PPP1R12A: variants seen among roughly 807,000 people sequenced by gnomAD.
PPP1R12A encodes protein phosphatase 1 regulatory subunit 12A, also known as myosin binding subunit.
PPP1R12A carries 19 observed loss-of-function variants against 139.6 expected under a neutral mutation model. The ratio of observed to expected loss-of-function variants is 0.14; its 90% confidence interval spans 0.09 to 0.20. The LOEUF (loss-of-function observed/expected upper bound fraction) is 0.20, where lower values mean the gene tolerates loss of function less well. Among genes scored for constraint, PPP1R12A ranks in the 10% least tolerant of loss-of-function variants. The probability of loss-of-function intolerance (pLI) is 1.00; values close to 1 mark genes in which losing one functional copy is unlikely to be tolerated. For missense variants in PPP1R12A, 925 were observed against 1,211.5 expected, an observed-to-expected ratio of 0.76 and a Z score of 3.51; for synonymous variants, 427 against 420.6, an observed-to-expected ratio of 1.02 and a Z score of -0.19.
intron 2 of PPP1R12A, among the ~76,000 whole-genome samples, chr12:79,871,978 A>G (rs550068582): frequency 3.2e-4 from 48 of 152,164 alleles, no homozygotes; most frequent in Middle Eastern, 3.2e-3. Flanking sequence ...TTCAGACCTT[A>G]TCGTTCCCAG....
At chr12:79,813,264 GT>G (rs1464661097) in intron 9 of PPP1R12A, among the ~76,000 whole-genome samples, 1 of 152,018 alleles carries the variant, frequency 6.6e-6, no homozygotes, top group Non-Finnish European at 1.5e-5. Context: ...TGCTCATATT[GT>G]TTTTCTTCTC....
chr12:79,832,241 C>T (rs1354478698), intron 4 of PPP1R12A, 91 bp downstream of exon 4: 3 of 1,263,722 alleles, frequency 2.4e-6, no homozygotes, highest in South Asian at 1.9e-5. Context: ...TATGTTGCTT[C>T]AAAATAACGT....
At chr12:79,877,744 G>C (rs1188022153) in intron 1 of PPP1R12A, among the ~76,000 whole-genome samples, 1 of 152,084 alleles carries the variant, frequency 6.6e-6, no homozygotes, top group African/African-American at 2.4e-5. Flanking sequence ...TCAAACTCCT[G>C]ACCTCAAGTG....
intron 1 of PPP1R12A, among the ~76,000 whole-genome samples, chr12:79,931,003 TTGA>T (rs1310730951): frequency 2.0e-5 from 3 of 152,248 alleles, no homozygotes; most frequent in Middle Eastern, 3.4e-3. Flanking sequence ...AAGAGTAGAC[TTGA>T]TGAAGAAAGA....
chr12:79,912,954 C>T (rs1330682028), intron 1 of PPP1R12A, among the ~76,000 whole-genome samples: 1 of 152,216 alleles, frequency 6.6e-6, no homozygotes, highest in Non-Finnish European at 1.5e-5. Context: ...AGAAATCTCA[C>T]ATACTTCTTA....
intron 12 of PPP1R12A, 141 bp from the exon 13 acceptor site, chr12:79,806,474 G>C (rs1452632720): frequency 7.1e-6 from 5 of 700,694 alleles, no homozygotes; most frequent in Non-Finnish European, 2.3e-6. Context: ...CCAGCACCAA[G>C]AGTTGCATCT....
intron 9 of PPP1R12A, among the ~76,000 whole-genome samples, chr12:79,816,457 T>TA (rs997546678): frequency 1.7e-4 from 26 of 151,148 alleles, no homozygotes; most frequent in Non-Finnish European, 2.7e-4. Context: ...TAAAAAAAGA[T>TA]AAAAAAAAGG....
chr12:79,820,710 T>A, intron 8 of PPP1R12A, 64 bp downstream of exon 8: 1 of 1,546,880 alleles, frequency 6.5e-7, no homozygotes, highest in Non-Finnish European at 8.7e-7. Flanking sequence ...AAATTACGTC[T>A]CATCTTGTCT....
At chr12:79,810,971 T>A (rs1364919923) in intron 9 of PPP1R12A, among the ~76,000 whole-genome samples, 1 of 152,158 alleles carries the variant, frequency 6.6e-6, no homozygotes, top group East Asian at 1.9e-4. Context: ...TAATTTTATG[T>A]ACAAATATTT....
chr12:79,779,800 AAAG>A, intron 23 of PPP1R12A: 1 of 163,994 alleles, frequency 6.1e-6, no homozygotes, highest in East Asian at 1.6e-4. Flanking sequence ...AATTAGTGGT[AAAG>A]TAAGACAAGA....
intron 1 of PPP1R12A, among the ~76,000 whole-genome samples, chr12:79,888,956 G>A (rs1884353847): frequency 6.6e-6 from 1 of 152,114 alleles, no homozygotes; most frequent in South Asian, 2.1e-4. Flanking sequence ...TTTCATTCTA[G>A]GAATTTATTC....
chr12:79,865,053 G>A (rs150208840), intron 2 of PPP1R12A, among the ~76,000 whole-genome samples: 144 of 152,238 alleles, frequency 9.5e-4, no homozygotes, highest in Non-Finnish European at 1.7e-3. Flanking sequence ...GATGAACATC[G>A]ATGTGAAAAT....
At chr12:79,780,949 A>C (rs1870372510) in intron 23 of PPP1R12A, among the ~76,000 whole-genome samples, 1 of 151,900 alleles carries the variant, frequency 6.6e-6, no homozygotes, top group Non-Finnish European at 1.5e-5. Context: ...TGAAAAGGGC[A>C]AATTGGTTAT....
intron 14 of PPP1R12A, among the ~76,000 whole-genome samples, chr12:79,803,311 A>G (rs568216305): frequency 1.3e-5 from 2 of 152,310 alleles, no homozygotes; most frequent in Non-Finnish European, 2.9e-5. Context: ...AATAATTTAT[A>G]TATTTTATGT....
At chr12:79,874,274 C>CAAAA (rs764069282) in intron 1 of PPP1R12A, among the ~76,000 whole-genome samples, 1 of 85,380 alleles carries the variant, frequency 1.2e-5, no homozygotes, top group African/African-American at 4.4e-5. Context: ...ACTCCGTCTC[C>CAAAA]AAAAAAAAAA....
chr12:79,928,591 C>G (rs1888022254), intron 1 of PPP1R12A, among the ~76,000 whole-genome samples: 1 of 152,166 alleles, frequency 6.6e-6, no homozygotes, highest in African/African-American at 2.4e-5. Context: ...CTTTTAGACA[C>G]AAATTTTAAT....
rs190907979 is a variant in PPP1R12A at position 79,853,801 on chromosome 12, G to A, written c.369-8381C>T. Reference sequence around the variant, plus strand: ...CAACTTCCAATTCTCAGAGGCAAAAGTACTACTTATTGTTTAACAATTCTA... The same window carrying A: ...CAACTTCCAATTCTCAGAGGCAAAAATACTACTTATTGTTTAACAATTCTA... On this transcript the variant is annotated intron_variant, in intron 2 of 24. Coordinates refer to ENST00000450142, the MANE Select transcript of PPP1R12A (RefSeq NM_002480.3). 8.8e-4 allele frequency among the ~76,000 whole-genome samples: 134 copies of A among 152,134 alleles called. 3 individuals are homozygous for A. The highest frequency in any genetic ancestry group is 3.1e-3 in the African/African-American group (127 of 41,402).
chr12:79,842,045 T>C (rs1007112678), intron 3 of PPP1R12A, among the ~76,000 whole-genome samples: 4 of 152,154 alleles, frequency 2.6e-5, no homozygotes, highest in African/African-American at 9.7e-5. Flanking sequence ...GTTGGCTAGA[T>C]GCGGTCGCTC....
At chr12:79,799,778 A>G (rs999264506) in intron 14 of PPP1R12A, among the ~76,000 whole-genome samples, 1 of 152,042 alleles carries the variant, frequency 6.6e-6, no homozygotes, top group Non-Finnish European at 1.5e-5. Flanking sequence ...GGAAGGCTGA[A>G]GCAGGCTGAT....
Sources: allele counts gnomAD v4.1 joint callset (sites outside exome capture counted in the v4.1 genomes callset), GRCh38; gene constraint gnomAD v4.1.1; transcripts MANE v1.5; gene names NCBI Gene and HGNC (gene_info 2026-07-23, HGNC 2026-07-21).